Variants in GPC5 observed in about 807,000 individuals in gnomAD.
GPC5 encodes glypican 5.
GPC5 carries 47 observed loss-of-function variants against 53.9 expected under a neutral mutation model. The observed-to-expected ratio is 0.87, with a 90% CI of 0.69 to 1.11. The LOEUF is 1.11. Among genes scored for constraint, GPC5 ranks in the 50% most tolerant of loss-of-function variants. GPC5 has a pLI of 0.00. For synonymous variants in GPC5, 286 were observed against 263.3 expected (o/e 1.09, Z -0.84); for missense variants, 748 against 713.1 (o/e 1.05, Z -0.56).
intron 7 of GPC5, among the ~76,000 whole-genome samples, chr13:92,468,934 C>T (rs1438411867): frequency 6.6e-6 from 1 of 152,142 alleles, no homozygotes; most frequent in African/African-American, 2.4e-5. Context: ...GAGCCTCCTC[C>T]TTTCCCTCCA....
chr13:92,333,013 C>T (rs1399634258), intron 7 of GPC5, among the ~76,000 whole-genome samples: 4 of 152,128 alleles, frequency 2.6e-5, no homozygotes, highest in African/African-American at 9.7e-5. Flanking sequence ...GAGAGACAGA[C>T]AAGTGAATAT....
At position 92,638,195 on chromosome 13, in the gene GPC5, A is replaced by T. The variant is rs555986644; in HGVS notation, c.1562-228087A>T. On this transcript the variant is annotated intron_variant, in intron 7 of 7. Coordinates refer to ENST00000377067, the MANE Select transcript of GPC5 (RefSeq NM_004466.6). ...GAAAGAATAATTACTGAAAAAAATA[A>T]ATTTAGTAAATTGAGCTCTCCTCAG... 1.6e-3 allele frequency among the ~76,000 whole-genome samples: 241 copies of T among 152,284 alleles called. 1 individual carries two copies. The highest frequency in any genetic ancestry group is 5.7e-3 in the African/African-American group (238 of 41,556).
intron 7 of GPC5, among the ~76,000 whole-genome samples, chr13:92,299,705 A>G (rs925725909): frequency 6.6e-6 from 1 of 152,194 alleles, no homozygotes; most frequent in East Asian, 1.9e-4. Flanking sequence ...TAGTTTAAAA[A>G]TTCTTGTAAC....
chr13:92,431,862 G>T (rs1877101352), intron 7 of GPC5, among the ~76,000 whole-genome samples: 2 of 152,170 alleles, frequency 1.3e-5, no homozygotes, highest in South Asian at 4.1e-4. Flanking sequence ...TGAGGCGAGA[G>T]TTGGTGAAAA....
intron 2 of GPC5, among the ~76,000 whole-genome samples, chr13:91,480,406 A>T (rs12876167): frequency 0.31 from 47,004 of 152,008 alleles, 7,716 homozygotes; most frequent in East Asian, 0.59. Context: ...ATGTCTCTCT[A>T]TAAAGAGCGA....
intron 2 of GPC5, among the ~76,000 whole-genome samples, chr13:91,502,810 GT>G (rs950356799): frequency 6.6e-6 from 1 of 151,964 alleles, no homozygotes. Context: ...GCTATTTTTT[GT>G]TTTCATTTTA....
At chr13:91,517,353 A>T (rs932811481) in intron 2 of GPC5, among the ~76,000 whole-genome samples, 1 of 152,178 alleles carries the variant, frequency 6.6e-6, no homozygotes, top group African/African-American at 2.4e-5. Context: ...TCAAGTTCAA[A>T]GTTCCACAGA....
intron 7 of GPC5, among the ~76,000 whole-genome samples, chr13:92,250,835 A>T (rs1367334370): frequency 6.6e-6 from 1 of 152,126 alleles, no homozygotes; most frequent in African/African-American, 2.4e-5. Flanking sequence ...AAGCCTGAGA[A>T]GCTTTATGAT....
intron 7 of GPC5, among the ~76,000 whole-genome samples, chr13:92,531,072 C>A (rs1292249987): frequency 6.6e-6 from 1 of 152,140 alleles, no homozygotes; most frequent in African/African-American, 2.4e-5. Flanking sequence ...AATATCAAGG[C>A]TTTCATTATG....
At chr13:91,652,473 A>G (rs1258352755) in intron 2 of GPC5, among the ~76,000 whole-genome samples, 2 of 152,140 alleles carry the variant, frequency 1.3e-5, no homozygotes, top group Non-Finnish European at 2.9e-5. Flanking sequence ...TGGAGCTATT[A>G]TTATGTAAAA....
At chr13:92,006,939 T>C (rs1172403163) in intron 6 of GPC5, among the ~76,000 whole-genome samples, 1 of 152,174 alleles carries the variant, frequency 6.6e-6, no homozygotes, top group Non-Finnish European at 1.5e-5. Flanking sequence ...TACATAGTTG[T>C]GGATGTTATG....
chr13:92,220,075 T>A (rs1236010374), intron 7 of GPC5, among the ~76,000 whole-genome samples: 1 of 152,216 alleles, frequency 6.6e-6, no homozygotes, highest in Non-Finnish European at 1.5e-5. Context: ...CAGTTTTTGC[T>A]TAAATTAATA....
intron 7 of GPC5, among the ~76,000 whole-genome samples, chr13:92,732,382 T>C (rs1421254537): frequency 6.6e-6 from 1 of 151,628 alleles, no homozygotes; most frequent in Non-Finnish European, 1.5e-5. Flanking sequence ...AATATTTTAA[T>C]GTTATTTACA....
chr13:91,552,542 T>C (rs1413714602), intron 2 of GPC5, among the ~76,000 whole-genome samples: 5 of 152,058 alleles, frequency 3.3e-5, no homozygotes, highest in Admixed American at 3.3e-4. Flanking sequence ...ATTAGCATTG[T>C]TTCTATAGAT....
At chr13:92,161,184 G>A (rs1387291652) in intron 7 of GPC5, among the ~76,000 whole-genome samples, 4 of 152,000 alleles carry the variant, frequency 2.6e-5, no homozygotes, top group African/African-American at 9.7e-5. Flanking sequence ...AATGACATCG[G>A]ATTAATCTCT....
At chr13:92,787,745 C>T (rs371267516) in intron 7 of GPC5, among the ~76,000 whole-genome samples, 1 of 145,820 alleles carries the variant, frequency 6.9e-6, no homozygotes, top group East Asian at 2.0e-4. Context: ...GGCATGGTGA[C>T]ACATACTTAT....
At chr13:92,538,926 A>G (rs1274543148) in intron 7 of GPC5, among the ~76,000 whole-genome samples, 1 of 84,106 alleles carries the variant, frequency 1.2e-5, no homozygotes, top group African/African-American at 5.0e-5. Flanking sequence ...TATACACCAT[A>G]TATATATACC....
intron 7 of GPC5, among the ~76,000 whole-genome samples, chr13:92,648,585 A>G (rs1364609825): frequency 6.6e-6 from 1 of 152,064 alleles, no homozygotes. Context: ...CAACTATTTC[A>G]TTTCTAATTA....
At chr13:92,753,778 A>C (rs1232550457) in intron 7 of GPC5, among the ~76,000 whole-genome samples, 2 of 152,122 alleles carry the variant, frequency 1.3e-5, no homozygotes, top group Non-Finnish European at 2.9e-5. Context: ...AAGTTTAGAA[A>C]AAAAAAGAAT....
Sources: gnomAD v4.1 joint callset for allele counts (sites outside exome capture counted in the v4.1 genomes callset) on GRCh38, gnomAD v4.1.1 for gene constraint, MANE v1.5 for transcripts, NCBI Gene and HGNC (gene_info 2026-07-23, HGNC 2026-07-21) for gene names.